The following ADAMTSL3 variants were observed in gnomAD, a reference collection of about 807,000 sequenced individuals.
ADAMTSL3 encodes the protein ADAMTS like 3.
In ADAMTSL3, 128 loss-of-function variants were observed where a neutral mutation model predicts 201.7. The observed-to-expected ratio is 0.63, with a 90% CI of 0.55 to 0.73. The LOEUF (loss-of-function observed/expected upper bound fraction) is 0.73, where lower values mean the gene tolerates loss of function less well. ADAMTSL3 is among the 30% of genes least tolerant of loss of function. ADAMTSL3 has a pLI of 0.00. For synonymous variants in ADAMTSL3, 738 were observed against 748.4 expected, an observed-to-expected ratio of 0.99 and a Z score of 0.23; for missense variants, 1,990 against 2,119.6, an observed-to-expected ratio of 0.94 and a Z score of 1.20.
intron 17 of ADAMTSL3, among the ~76,000 whole-genome samples, chr15:83,939,914 AC>A (rs1168715080): frequency 6.6e-6 from 1 of 151,706 alleles, no homozygotes; most frequent in Admixed American, 6.6e-5. Context: ...GAGCCACCGC[AC>A]CCCGCCAGGA....
intron 12 of ADAMTSL3, among the ~76,000 whole-genome samples, chr15:83,891,947 G>A (rs2065507660): frequency 6.6e-6 from 1 of 152,234 alleles, no homozygotes; most frequent in Non-Finnish European, 1.5e-5. Context: ...GGGCGTGGTG[G>A]CACATGCCTG....
chr15:83,892,684 C>T lies in ADAMTSL3; in HGVS notation c.1263C>T (p.Arg421=), dbSNP rs2065533280. ...ATAATTTTATTTGTTTGCTTTTGAG[C>T]TGGGAACATAATCCTTGGACTGCAT... ...MPYDHFQPLP[R]WEHNPWTACS... is the part of the protein sequence containing the mutation. The change falls in exon 13 of 30, where the codon CGC becomes CGT. Residue 421 remains arginine, a splice_region_variant and synonymous_variant. Transcript: ENST00000286744. 6.2e-7 allele frequency: 1 copy of T among 1,612,482 alleles called. No homozygotes were observed. Among genetic ancestry groups the T allele is most frequent in the African/African-American group, 1.3e-5 (1 of 74,874 alleles).
intron 2 of ADAMTSL3, among the ~76,000 whole-genome samples, chr15:83,678,544 C>G (rs996443966): frequency 2.0e-5 from 3 of 150,966 alleles, no homozygotes; most frequent in Non-Finnish European, 4.4e-5. Context: ...TTGTTTCTCT[C>G]TAGCTGATTT....
chr15:83,973,952 C>T (rs2142135337), intron 20 of ADAMTSL3, among the ~76,000 whole-genome samples: 1 of 152,302 alleles, frequency 6.6e-6, no homozygotes, highest in South Asian at 2.1e-4. Context: ...TTTCTTGGCT[C>T]TGACCCTTTT....
intron 24 of ADAMTSL3, among the ~76,000 whole-genome samples, chr15:84,016,056 G>A (rs952446363): frequency 2.0e-5 from 3 of 152,194 alleles, no homozygotes; most frequent in Non-Finnish European, 4.4e-5. Flanking sequence ...TTAAGAGGCA[G>A]AGCTCTATCC....
intron 9 of ADAMTSL3, among the ~76,000 whole-genome samples, chr15:83,876,955 G>C (rs2065188112): frequency 6.6e-6 from 1 of 152,148 alleles, no homozygotes; most frequent in Non-Finnish European, 1.5e-5. Context: ...ACCACACCCA[G>C]CAAGTTTTCT....
At chr15:83,893,381 A>G (rs2065548950) in intron 13 of ADAMTSL3, among the ~76,000 whole-genome samples, 2 of 152,306 alleles carry the variant, frequency 1.3e-5, no homozygotes, top group South Asian at 2.1e-4. Flanking sequence ...CAAAGGCAGT[A>G]ATGACAAGAA....
chr15:84,025,511 C>G (rs767107564), intron 27 of ADAMTSL3, 75 bp downstream of exon 27: 10 of 1,418,932 alleles, frequency 7.0e-6, no homozygotes, highest in Non-Finnish European at 9.5e-6. Flanking sequence ...CACCTTGTTT[C>G]CAATAAACTA....
At position 83,982,128 on chromosome 15, in the gene ADAMTSL3, C is replaced by T. The variant is rs190723160; in HGVS notation, c.2645-145C>T. On this transcript the variant is annotated intron_variant, in intron 20 of 29. Transcript: ENST00000286744. ...CAATCTGTGGATGTATAATGTTATTCATGGTTTTATTCTTGAATGTTTTAA... is the reference window on the plus strand; with the variant it reads ...CAATCTGTGGATGTATAATGTTATTTATGGTTTTATTCTTGAATGTTTTAA... 4.2e-4 allele frequency: 279 copies of T among 671,754 alleles called. 2 individuals are homozygous for T. The East Asian group carries it at 4.7e-3, about 11-fold the overall frequency. 41.6% of individuals were successfully genotyped at this position (671,754 alleles called of 1,614,324 possible). A position where few individuals can be genotyped will look rare whatever the true frequency, so the allele number is the denominator to read the frequency against.
At chr15:83,703,686 A>G (rs1384795200) in intron 2 of ADAMTSL3, among the ~76,000 whole-genome samples, 1 of 152,158 alleles carries the variant, frequency 6.6e-6, no homozygotes, top group Non-Finnish European at 1.5e-5. Flanking sequence ...TCTAAGTCCA[A>G]TTAAACCTCT....
intron 19 of ADAMTSL3, among the ~76,000 whole-genome samples, chr15:83,954,571 C>G: frequency 6.6e-6 from 1 of 152,094 alleles, no homozygotes; most frequent in East Asian, 1.9e-4. Flanking sequence ...CTGTAGATGT[C>G]CTTTGGTGTC....
chr15:84,032,226 G>C (rs1231421050), intron 28 of ADAMTSL3, among the ~76,000 whole-genome samples: 1 of 152,212 alleles, frequency 6.6e-6, no homozygotes, highest in Non-Finnish European at 1.5e-5. Context: ...TGTGAAACAC[G>C]AGGCAGCCTG....
intron 19 of ADAMTSL3, among the ~76,000 whole-genome samples, chr15:83,963,406 G>A (rs1233839579): frequency 6.6e-6 from 1 of 152,148 alleles, no homozygotes; most frequent in Non-Finnish European, 1.5e-5. Flanking sequence ...TTCAAACTGG[G>A]TGGAGCCCAC....
chr15:83,802,318 T>C (rs1186974696), intron 4 of ADAMTSL3, among the ~76,000 whole-genome samples: 1 of 152,178 alleles, frequency 6.6e-6, no homozygotes, highest in Non-Finnish European at 1.5e-5. Flanking sequence ...ATAATTTTTA[T>C]ATTATATAAA....
In ADAMTSL3 at chr15:83,654,709, G is replaced by T. The variant is rs542722484; in HGVS notation, c.-34+433G>T. ...TGGAAAGTGGGCGTGGGGGTGACCG[G>T]GACGCGGCGGAGGCACTGGAGGAGC... On this transcript the variant is annotated intron_variant, in intron 1 of 29. Transcript: ENST00000286744. The surrounding 1 kb of genome is among the most constrained non-coding windows in gnomAD (Gnocchi z 5.3). Among the ~76,000 whole-genome samples, 451 of 152,220 alleles carry T rather than the reference G, an allele frequency of 3.0e-3. 1 individual carries two copies. Among genetic ancestry groups the T allele is most frequent in the Non-Finnish European group, 4.9e-3 (335 of 67,988 alleles).
chr15:83,775,036 G>C (rs1459292924), intron 4 of ADAMTSL3, among the ~76,000 whole-genome samples: 2 of 152,020 alleles, frequency 1.3e-5, no homozygotes, highest in African/African-American at 4.8e-5. Flanking sequence ...TAATAGAGAT[G>C]GGGTTTCACC....
At chr15:83,901,033 G>T (rs1470525148) in intron 15 of ADAMTSL3, among the ~76,000 whole-genome samples, 2 of 152,104 alleles carry the variant, frequency 1.3e-5, no homozygotes, top group Non-Finnish European at 2.9e-5. Flanking sequence ...GGGCAGTGTG[G>T]GTTACTTTGC....
intron 6 of ADAMTSL3, among the ~76,000 whole-genome samples, chr15:83,820,863 T>C (rs1041129144): frequency 2.0e-5 from 3 of 152,020 alleles, no homozygotes; most frequent in African/African-American, 7.2e-5. Flanking sequence ...TCACTTGAGG[T>C]CAGGAGATCA....
intron 17 of ADAMTSL3, among the ~76,000 whole-genome samples, chr15:83,925,504 C>G (rs2066229485): frequency 6.6e-6 from 1 of 152,134 alleles, no homozygotes; most frequent in Non-Finnish European, 1.5e-5. Flanking sequence ...CTCCCACCCC[C>G]AGGTTTACAG....
Sources: allele counts gnomAD v4.1 joint callset (sites outside exome capture counted in the v4.1 genomes callset), GRCh38; gene constraint gnomAD v4.1.1; non-coding constraint Gnocchi (gnomAD v3.1); transcripts MANE v1.5; gene names NCBI Gene and HGNC (gene_info 2026-07-23, HGNC 2026-07-21).